The following VAV3 variants were observed in gnomAD, a reference collection of about 807,000 sequenced individuals.
VAV3 encodes guanine nucleotide exchange factor VAV3.
Under a neutral mutation model 131.2 loss-of-function variants are expected in VAV3, and 94 were observed. The ratio of observed to expected loss-of-function variants is 0.72; its 90% confidence interval spans 0.61 to 0.85. The LOEUF (loss-of-function observed/expected upper bound fraction) is 0.85, where lower values mean the gene tolerates loss of function less well. Among genes scored for constraint, VAV3 ranks in the 40% least tolerant of loss-of-function variants. The probability of loss-of-function intolerance (pLI) is 0.00; values close to 1 mark genes in which losing one functional copy is unlikely to be tolerated. For synonymous variants in VAV3, 349 were observed against 342.0 expected (o/e 1.02, Z -0.22); for missense variants, 939 against 1,002.7 (o/e 0.94, Z 0.86).
intron 1 of VAV3, among the ~76,000 whole-genome samples, chr1:107,947,001 G>C (rs1216451562): frequency 6.6e-6 from 1 of 152,172 alleles, no homozygotes; most frequent in Non-Finnish European, 1.5e-5. Context: ...GTCCTCCAGA[G>C]GAAGCCAAGG....
chr1:107,578,651 C>T (rs1191239445), intron 25 of VAV3: 2 of 306,440 alleles, frequency 6.5e-6, no homozygotes, highest in African/African-American at 4.5e-5. Context: ...CTCTGTTGCC[C>T]AGTTTGGAGT....
intron 15 of VAV3, among the ~76,000 whole-genome samples, chr1:107,723,660 C>T (rs1226103872): frequency 6.6e-6 from 1 of 152,138 alleles, no homozygotes; most frequent in East Asian, 1.9e-4. Flanking sequence ...CCCTTGAACT[C>T]AAAGCTGCGC....
intron 20 of VAV3, among the ~76,000 whole-genome samples, chr1:107,631,655 G>A (rs1654499119): frequency 8.6e-6 from 1 of 116,284 alleles, no homozygotes. Flanking sequence ...AGGCCCCAGA[G>A]TGTGATGTTC....
intron 1 of VAV3, among the ~76,000 whole-genome samples, chr1:107,922,888 C>T (rs1329652189): frequency 6.7e-6 from 1 of 149,770 alleles, no homozygotes; most frequent in East Asian, 2.0e-4. Flanking sequence ...GGAGGCGGAG[C>T]TTGCAGTGAG....
intron 5 of VAV3, 45 bp downstream of exon 5, chr1:107,772,690 T>C: frequency 6.6e-7 from 1 of 1,504,758 alleles, no homozygotes; most frequent in Non-Finnish European, 9.2e-7. Flanking sequence ...TAGCCTTTCC[T>C]AATAAAATAT....
intron 25 of VAV3, among the ~76,000 whole-genome samples, chr1:107,592,655 G>GA (rs1159554335): frequency 3.3e-5 from 5 of 151,876 alleles, no homozygotes; most frequent in African/African-American, 1.2e-4. Context: ...GCAAACAAAG[G>GA]AAAAAACCTA....
intron 20 of VAV3, among the ~76,000 whole-genome samples, chr1:107,617,978 T>TG (rs1653290255): frequency 1.3e-5 from 2 of 152,150 alleles, no homozygotes; most frequent in African/African-American, 4.8e-5. Context: ...AGGTGGGTGC[T>TG]GGGGGCGTGG....
chr1:107,743,757 G>C (rs1468970183), intron 15 of VAV3, among the ~76,000 whole-genome samples: 2 of 152,178 alleles, frequency 1.3e-5, no homozygotes, highest in African/African-American at 2.4e-5. Flanking sequence ...TTTGAAATGT[G>C]AGAAACATGC....
intron 1 of VAV3, among the ~76,000 whole-genome samples, chr1:107,908,844 C>G (rs917927338): frequency 7.1e-6 from 1 of 140,256 alleles, no homozygotes; most frequent in African/African-American, 3.2e-5. Flanking sequence ...CACACACACA[C>G]ACACACACAC....
In VAV3 at chr1:107,908,672, T is replaced by G. The variant is rs568510179; in HGVS notation, c.205-33655A>C. On this transcript the variant is annotated intron_variant, in intron 1 of 26. Coordinates refer to ENST00000370056, the MANE Select transcript of VAV3 (RefSeq NM_006113.5). ...TCTTGCACAATTTTAAAAACCTTCA[T>G]TACTTGTTTTCCATGTTAAAAGGAA... 1.9e-3 allele frequency among the ~76,000 whole-genome samples: 290 copies of G among 152,272 alleles called. 3 individuals carry two copies. Among genetic ancestry groups the G allele is most frequent in the African/African-American group, 6.9e-3 (286 of 41,542 alleles).
intron 19 of VAV3, among the ~76,000 whole-genome samples, chr1:107,661,631 T>C (rs144140870): frequency 1.1e-3 from 170 of 152,340 alleles, no homozygotes; most frequent in Non-Finnish European, 2.1e-3. Flanking sequence ...CAATAAAAGT[T>C]TGTTAAATAA....
rs1380192046 is a variant in VAV3 at position 107,965,051 on chromosome 1, C to G, written c.-182G>C. ...GCGGGCGCCGCGCTAGGCTCGGCTC[C>G]GGTCCCGGCCCGGGTGCGCCGCGAC... On this transcript the variant is annotated 5_prime_UTR_variant, in exon 1 of 27. Transcript: ENST00000370056. 3 of 256,734 alleles carry G rather than the reference C, an allele frequency of 1.2e-5. No individual in the cohort carries two copies. Among genetic ancestry groups the G allele is most frequent in the African/African-American group, 2.3e-5 (1 of 43,012 alleles). 15.9% of individuals were successfully genotyped at this position (256,734 alleles called of 1,614,324 possible). A position where few individuals can be genotyped will look rare whatever the true frequency, so the allele number is the denominator to read the frequency against.
At chr1:107,752,741 C>G (rs1016201813) in intron 12 of VAV3, among the ~76,000 whole-genome samples, 1 of 152,094 alleles carries the variant, frequency 6.6e-6, no homozygotes, top group Non-Finnish European at 1.5e-5. Context: ...AAATCAAACC[C>G]ACGATGAGAT....
chr1:107,590,359 A>C (rs923549476), intron 25 of VAV3, among the ~76,000 whole-genome samples: 3 of 152,194 alleles, frequency 2.0e-5, no homozygotes, highest in Admixed American at 6.6e-5. Context: ...TATTTCATGC[A>C]AGGCATGTGC....
chr1:107,739,225 TA>T (rs1471336955), intron 15 of VAV3, among the ~76,000 whole-genome samples: 1 of 152,204 alleles, frequency 6.6e-6, no homozygotes, highest in Non-Finnish European at 1.5e-5. Flanking sequence ...TGATCCTCAC[TA>T]GGCAATAACA....
chr1:107,724,300 T>G (rs796777481), intron 15 of VAV3, among the ~76,000 whole-genome samples: 51 of 152,012 alleles, frequency 3.4e-4, no homozygotes, highest in African/African-American at 1.2e-3. Context: ...AGGTCCCCAC[T>G]TTTTCTTTGA....
intron 2 of VAV3, among the ~76,000 whole-genome samples, chr1:107,869,272 G>A (rs1183757871): frequency 2.0e-5 from 3 of 152,140 alleles, no homozygotes; most frequent in Non-Finnish European, 2.9e-5. Flanking sequence ...AACGATGGCT[G>A]TGCAAAATAA....
intron 17 of VAV3, among the ~76,000 whole-genome samples, chr1:107,703,839 A>C (rs1660282579): frequency 6.6e-6 from 1 of 152,184 alleles, no homozygotes; most frequent in Non-Finnish European, 1.5e-5. Flanking sequence ...TCGGGGGAAA[A>C]GGACAAAGAG....
At position 107,618,589 on chromosome 1, in the gene VAV3, T is replaced by C. The variant is rs191370563; in HGVS notation, c.1915-957A>G. 5.9e-3 allele frequency among the ~76,000 whole-genome samples: 905 copies of C among 152,322 alleles called. 14 individuals carry two copies. Among genetic ancestry groups the C allele is most frequent in the South Asian group, 9.1e-3 (44 of 4,828 alleles). On this transcript the variant is annotated intron_variant, in intron 20 of 26. Coordinates refer to ENST00000370056, the MANE Select transcript of VAV3 (RefSeq NM_006113.5). ...TACTTATTGAATCCTTAATATGTGC[T>C]AGACACTGCTCTGAGTGTTTTATTT... is the stretch of plus-strand genomic sequence containing the variant.
Sources: allele counts gnomAD v4.1 joint callset (sites outside exome capture counted in the v4.1 genomes callset), GRCh38; gene constraint gnomAD v4.1.1; transcripts MANE v1.5; gene names NCBI Gene and HGNC (gene_info 2026-07-23, HGNC 2026-07-21).